Variants in RCC1 observed in about 807,000 individuals in gnomAD.
The protein encoded by RCC1 is regulator of chromosome condensation.
A neutral mutation model predicts 44.4 loss-of-function variants in RCC1; 11 were observed. That is an observed-to-expected ratio of 0.25 (90% CI 0.16 to 0.41). The LOEUF (loss-of-function observed/expected upper bound fraction) is 0.41. RCC1 is among the 10% of genes least tolerant of loss of function. RCC1 has a pLI of 1.00. For synonymous variants in RCC1, 213 were observed against 216.5 expected (o/e 0.98, Z 0.14); for missense variants, 386 against 547.1 (o/e 0.71, Z 2.94).
intron 3 of RCC1, among the ~76,000 whole-genome samples, chr1:28,511,389 A>G (rs1428497545): frequency 1.4e-5 from 2 of 146,890 alleles, no homozygotes; most frequent in African/African-American, 2.6e-5. Flanking sequence ...ACAGTATCCA[A>G]TTTTTTGTTT....
At chr1:28,518,914 C>T (rs541161422) in intron 4 of RCC1, 3 of 152,370 alleles carry the variant, frequency 2.0e-5, no homozygotes, top group African/African-American at 7.2e-5. Flanking sequence ...AGGCCCGTGT[C>T]ATTAGCGAAC....
chr1:28,536,618 C>T lies in RCC1; in HGVS notation c.938-129C>T. ...CCTCCAAAACTGGGAAGAGACACTGCAGATCTCCTTCTGATCGCTCTGGGA... is the reference window on the plus strand; with the variant it reads ...CCTCCAAAACTGGGAAGAGACACTGTAGATCTCCTTCTGATCGCTCTGGGA... On this transcript the variant is annotated intron_variant, in intron 11 of 12. Coordinates refer to ENST00000683442, the MANE Select transcript of RCC1 (RefSeq NM_001381865.2). This position sits in a 1 kb window ranked among gnomAD's most constrained non-coding sequence, Gnocchi z 4.9. The T allele has an allele frequency of 8.2e-7, 1 of 1,222,482 alleles. No homozygotes were observed. Among genetic ancestry groups the T allele is most frequent in the Non-Finnish European group, 1.2e-6 (1 of 865,446 alleles). 75.7% of individuals were successfully genotyped at this position (1,222,482 alleles called of 1,614,324 possible).
At chr1:28,524,580 AG>A (rs1480709327) in intron 4 of RCC1, among the ~76,000 whole-genome samples, 6 of 152,086 alleles carry the variant, frequency 3.9e-5, no homozygotes, top group African/African-American at 1.4e-4. Flanking sequence ...ATAAAAGGCC[AG>A]GCATGGTGGC....
chr1:28,533,849 T>TG (rs1664361859), intron 7 of RCC1, among the ~76,000 whole-genome samples: 2 of 10,174 alleles, frequency 2.0e-4, no homozygotes, highest in South Asian at 4.2e-3. Flanking sequence ...TCTTTTCTTT[T>TG]TTTTTTTTTT....
chr1:28,535,415 G>T (rs377010655), intron 9 of RCC1, 35 bp downstream of exon 9: 44 of 1,611,230 alleles, frequency 2.7e-5, no homozygotes, highest in Non-Finnish European at 3.6e-5. Flanking sequence ...AGGGCAAATT[G>T]GCAGGCCACC....
chr1:28,512,390 C>A (rs1289112934), intron 3 of RCC1, among the ~76,000 whole-genome samples: 1 of 152,138 alleles, frequency 6.6e-6, no homozygotes, highest in Non-Finnish European at 1.5e-5. Context: ...TCCATCTAAC[C>A]TACTTGGAGG....
Position 28,537,894 on chromosome 1 carries a change from G to T in RCC1, c.1153G>T (p.Ala385Ser), listed in dbSNP as rs777296948. Reference protein sequence around the residue: ...YQLGTGQDEDAWSPVEMMGKQ... With the variant: ...YQLGTGQDEDSWSPVEMMGKQ... ...GCTGGGCACAGGGCAGGATGAGGAC[G>T]CCTGGAGCCCTGTGGAGATGATGGG... Residue 385 changes from alanine to serine, a missense_variant, in exon 13 of 13, where the codon GCC becomes TCC. Transcript: ENST00000683442. The T allele has an allele frequency of 6.2e-7, 1 of 1,613,602 alleles. No individual in the cohort carries two copies. Among genetic ancestry groups the T allele is most frequent in the East Asian group, 2.2e-5 (1 of 44,878 alleles).
At chr1:28,520,719 G>T (rs1181178172) in intron 4 of RCC1, among the ~76,000 whole-genome samples, 2 of 152,080 alleles carry the variant, frequency 1.3e-5, no homozygotes, top group Admixed American at 1.3e-4. Flanking sequence ...GGGCGGGGTG[G>T]GGAAGCATGA....
intron 7 of RCC1, chr1:28,532,684 T>A: frequency 2.0e-6 from 1 of 494,534 alleles, no homozygotes; most frequent in East Asian, 5.6e-5. Flanking sequence ...CACTGCCTCT[T>A]CCACACTTCC....
chr1:28,515,684 T>C (rs941530137), intron 3 of RCC1, among the ~76,000 whole-genome samples: 1 of 151,882 alleles, frequency 6.6e-6, no homozygotes, highest in Non-Finnish European at 1.5e-5. Flanking sequence ...ACCACTGCAC[T>C]CCAGCCTGGG....
At chr1:28,515,195 CAG>C (rs1327970351) in intron 3 of RCC1, among the ~76,000 whole-genome samples, 5 of 152,038 alleles carry the variant, frequency 3.3e-5, no homozygotes, top group African/African-American at 1.2e-4. Flanking sequence ...GAGGCTGAAA[CAG>C]GAGAATTGCT....
At chr1:28,534,178 C>G (rs894231521) in intron 7 of RCC1, among the ~76,000 whole-genome samples, 4 of 151,496 alleles carry the variant, frequency 2.6e-5, no homozygotes, top group African/African-American at 9.7e-5. Context: ...CGTCTGGCCT[C>G]TTTTCTTTTT....
Position 28,532,350 on chromosome 1 carries a change from G to T in RCC1, c.441G>T (p.Arg147=), listed in dbSNP as rs753294055. 2 of 1,613,834 alleles carry T rather than the reference G, an allele frequency of 1.2e-6. No homozygotes were observed. The highest frequency in any genetic ancestry group is 1.7e-6 in the Non-Finnish European group (2 of 1,179,926). Residue 147 remains arginine, a splice_region_variant and synonymous_variant, in exon 7 of 13, where the codon CGG becomes CGT. Transcript: ENST00000683442. ...GTGTCTTCCTCTGGGGCTCCTTCCG[G>T]GTAAGGCTGGGTCTGAAAGTCTGCA... ...DGRVFLWGSF[R]DNNGVIGLLE...
chr1:28,532,047 G>A (rs147618011), intron 6 of RCC1, 57 bp downstream of exon 6: 727 of 1,555,750 alleles, frequency 4.7e-4, no homozygotes, highest in Non-Finnish European at 6.0e-4. Context: ...GTGGCTTGGG[G>A]CAGGGCTTTT....
At chr1:28,514,479 C>T (rs892693719) in intron 3 of RCC1, among the ~76,000 whole-genome samples, 13 of 146,620 alleles carry the variant, frequency 8.9e-5, no homozygotes, top group Admixed American at 2.0e-4. Flanking sequence ...AACCTTCTGG[C>T]GGCCTGGTGT....
intron 2 of RCC1, 67 bp from the exon 3 acceptor site, chr1:28,508,760 TATC>T (rs1239738908): frequency 2.1e-6 from 1 of 466,698 alleles, no homozygotes; most frequent in African/African-American, 3.9e-5. Context: ...GCAGGAAACA[TATC>T]TAGTATACTA....
At chr1:28,511,976 CTTTTTTTTTTTT>C (rs36018995) in intron 3 of RCC1, among the ~76,000 whole-genome samples, 1 of 99,496 alleles carries the variant, frequency 1.0e-5, no homozygotes. Flanking sequence ...AAGCCTGATC[CTTTTTTTTTTTT>C]TTTTTTTTGA....
chr1:28,532,448 T>C (rs1033136241), intron 7 of RCC1, 98 bp downstream of exon 7: 1 of 1,338,540 alleles, frequency 7.5e-7, no homozygotes, highest in African/African-American at 1.4e-5. Context: ...TGGTACTTAC[T>C]GGTGGGGAGA....
Position 28,531,259 on chromosome 1 carries a change from CTTTTTCTTTTTTT to C in RCC1, c.74-538_74-526del, listed in dbSNP as rs796946002. Among the ~76,000 whole-genome samples, 64 of 132,500 alleles carry C rather than the reference CTTTTTCTTTTTTT, an allele frequency of 4.8e-4. 1 individual carries two copies. Among genetic ancestry groups the C allele is most frequent in the African/African-American group, 1.9e-3 (61 of 32,192 alleles). 86.9% of individuals were successfully genotyped at this position (132,500 alleles called of 152,430 possible). ...CAATAACAATAATTAGCTTTCTTTT[CTTTTTCTTTTTTT>C]TTTTTTTTTTGAGATCAAGTATCAC... On this transcript the variant is annotated intron_variant, in intron 5 of 12. Coordinates refer to ENST00000683442, the MANE Select transcript of RCC1 (RefSeq NM_001381865.2).
Sources: gnomAD v4.1 joint callset for allele counts (sites outside exome capture counted in the v4.1 genomes callset) on GRCh38, gnomAD v4.1.1 for gene constraint, Gnocchi (gnomAD v3.1) non-coding constraint, MANE v1.5 for transcripts, NCBI Gene and HGNC (gene_info 2026-07-23, HGNC 2026-07-21) for gene names.